Variants in ESR1 observed in about 807,000 individuals in gnomAD.
The protein encoded by ESR1 is estrogen receptor.
In ESR1, 12 loss-of-function variants were observed where a neutral mutation model predicts 52.7. That is an observed-to-expected ratio of 0.23 (90% confidence interval 0.15 to 0.37). The LOEUF is 0.37. Among genes scored for constraint, ESR1 ranks in the 10% least tolerant of loss-of-function variants. The pLI is 1.00. For synonymous variants in ESR1, 305 were observed against 316.8 expected (o/e 0.96, Z 0.39); for missense variants, 584 against 779.7 (o/e 0.75, Z 2.99).
At chr6:151,992,651 G>A (rs981882767) in intron 4 of ESR1, among the ~76,000 whole-genome samples, 2 of 152,130 alleles carry the variant, frequency 1.3e-5, no homozygotes, top group Admixed American at 6.6e-5. Context: ...AGGTTGGCAA[G>A]GTGGGTGGGG....
At chr6:152,087,871 C>T (rs1422670139) in intron 6 of ESR1, among the ~76,000 whole-genome samples, 1 of 152,150 alleles carries the variant, frequency 6.6e-6, no homozygotes, top group Non-Finnish European at 1.5e-5. Flanking sequence ...ATCAGGGCTC[C>T]ACCCTCAGCT....
chr6:151,686,084 T>TG (rs1778658656), upstream of ESR1, among the ~76,000 whole-genome samples: 1 of 148,712 alleles, frequency 6.7e-6, no homozygotes, highest in South Asian at 2.2e-4. Flanking sequence ...TTTTTTTTTT[T>TG]TTTTATTTAG....
chr6:151,888,781 T>C (rs1421804062), intron 3 of ESR1, among the ~76,000 whole-genome samples: 2 of 152,180 alleles, frequency 1.3e-5, no homozygotes, highest in African/African-American at 2.4e-5. Context: ...ATTTTCACCA[T>C]TGAGTATGAT....
intron 2 of ESR1, among the ~76,000 whole-genome samples, chr6:151,732,693 A>G (rs1260064084): frequency 2.6e-5 from 4 of 152,092 alleles, no homozygotes; most frequent in African/African-American, 9.7e-5. Context: ...CTATGATAAA[A>G]ACGCTTTTTG....
intron 2 of ESR1, among the ~76,000 whole-genome samples, chr6:151,743,620 A>G (rs1783261840): frequency 1.3e-5 from 2 of 152,184 alleles, no homozygotes; most frequent in Admixed American, 6.5e-5. Flanking sequence ...CTGATGTTAC[A>G]GAGATCACAG....
chr6:151,773,441 C>T (rs1785681708), intron 2 of ESR1, among the ~76,000 whole-genome samples: 2 of 152,242 alleles, frequency 1.3e-5, no homozygotes. Flanking sequence ...AATGATTACA[C>T]TTTCTCATCT....
intron 2 of ESR1, among the ~76,000 whole-genome samples, chr6:151,746,009 G>T (rs1243669460): frequency 1.3e-5 from 2 of 152,088 alleles, no homozygotes; most frequent in African/African-American, 2.4e-5. Flanking sequence ...AGGTCCTCAA[G>T]GTTCATCCAT....
rs1778589350 is a variant in ESR1, at chr6:151,684,747, CG to C, written n.74-17124del. Among the ~76,000 whole-genome samples, 3 of 152,348 alleles carry C rather than the reference CG, an allele frequency of 2.0e-5. No individual in the cohort carries two copies. The East Asian group carries it at 5.8e-4, about 29-fold the overall frequency. On this transcript the variant is annotated intron_variant and non_coding_transcript_variant, in intron 1 of 2. Coordinates refer to the ESR1 transcript ENST00000473497. Reference sequence around the variant, plus strand: ...AATTCTTTCTGGTTCTTCCTTCCTGCGGGGCCAGGTGAACAGGCAGGTGCTG... The same window carrying C: ...AATTCTTTCTGGTTCTTCCTTCCTGCGGGCCAGGTGAACAGGCAGGTGCTG...
At chr6:151,669,101 G>A (rs1010300195) in intron 1 of ESR1, among the ~76,000 whole-genome samples, 10 of 148,144 alleles carry the variant, frequency 6.8e-5, no homozygotes, top group Admixed American at 3.4e-4. Flanking sequence ...CCAGAGCCGT[G>A]CTTCGGGGCG....
intron 2 of ESR1, among the ~76,000 whole-genome samples, chr6:151,775,744 T>TC (rs1785926607): frequency 1.6e-5 from 2 of 121,482 alleles, no homozygotes; most frequent in Admixed American, 1.7e-4. Flanking sequence ...AGACTCCGTC[T>TC]CAAAAAAAAA....
At chr6:151,915,344 C>G (rs1417051907) in intron 3 of ESR1, among the ~76,000 whole-genome samples, 1 of 152,158 alleles carries the variant, frequency 6.6e-6, no homozygotes, top group East Asian at 1.9e-4. Context: ...GTGAAAAATA[C>G]TAATTATTTA....
chr6:151,912,970 G>C (rs922120454), intron 3 of ESR1, among the ~76,000 whole-genome samples: 1 of 152,056 alleles, frequency 6.6e-6, no homozygotes, highest in African/African-American at 2.4e-5. Flanking sequence ...CCTAATGCAT[G>C]TGGGGCTTAA....
At chr6:151,733,930 C>T (rs1782446376) in intron 2 of ESR1, among the ~76,000 whole-genome samples, 1 of 152,156 alleles carries the variant, frequency 6.6e-6, no homozygotes, top group Non-Finnish European at 1.5e-5. Context: ...CTATCTTACA[C>T]AATTATTTTC....
chr6:151,791,871 A>C (rs1333737072), intron 2 of ESR1, among the ~76,000 whole-genome samples: 2 of 152,266 alleles, frequency 1.3e-5, no homozygotes, highest in Non-Finnish European at 2.9e-5. Flanking sequence ...ACAAAGTTAG[A>C]CAACAAATTC....
chr6:151,739,907 T>A lies in ESR1; in HGVS notation c.-71+37902T>A, dbSNP rs545792445. Reference sequence around the variant, plus strand: ...TCTCTTCCCTTTCTTCCTCTCTCCATCCCTTTTTTCCATTATTCATCCAGC... The same window carrying A: ...TCTCTTCCCTTTCTTCCTCTCTCCAACCCTTTTTTCCATTATTCATCCAGC... On this transcript the variant is annotated intron_variant, in intron 2 of 2. Coordinates refer to the ESR1 transcript ENST00000404742. Among the ~76,000 whole-genome samples, 4 of 152,274 alleles carry A rather than the reference T, an allele frequency of 2.6e-5. No individual in the cohort carries two copies. In the South Asian group the frequency reaches 8.3e-4, roughly 32 times the overall value.
In ESR1 at chr6:152,061,270, TGCAGA is replaced by T. The variant is rs2047519436; in HGVS notation, c.1369+147_1369+151del. 1 of 798,518 alleles carries T rather than the reference TGCAGA, an allele frequency of 1.3e-6. No homozygotes were observed. The highest frequency in any genetic ancestry group is 2.1e-6 in the Non-Finnish European group (1 of 476,290). 49.5% of individuals were successfully genotyped at this position (798,518 alleles called of 1,614,324 possible). ...ACGTTTTAAAATAACCTACCAACAT[TGCAGA>T]TTCCTTATAAAGGTAGAACCATGCT... On this transcript the variant is annotated intron_variant, in intron 6 of 7. Transcript: ENST00000206249. The surrounding 1 kb of genome is among the most constrained non-coding windows in gnomAD (Gnocchi z 4.3).
At chr6:152,064,044 C>A (rs894402500) in intron 6 of ESR1, among the ~76,000 whole-genome samples, 4 of 152,172 alleles carry the variant, frequency 2.6e-5, no homozygotes, top group African/African-American at 4.8e-5. Flanking sequence ...GGGAGATATT[C>A]GTCATCATTT....
At chr6:152,028,988 T>A (rs1347206509) in intron 5 of ESR1, among the ~76,000 whole-genome samples, 2 of 152,278 alleles carry the variant, frequency 1.3e-5, no homozygotes, top group Middle Eastern at 3.4e-3. Flanking sequence ...TTCACCAATA[T>A]CCGCTGTTCT....
chr6:151,660,782 T>A (rs1382593792), intron 1 of ESR1, among the ~76,000 whole-genome samples: 10 of 152,224 alleles, frequency 6.6e-5, no homozygotes. Context: ...CACATATATG[T>A]GCACATACAC....
Sources: allele counts gnomAD v4.1 joint callset (sites outside exome capture counted in the v4.1 genomes callset), GRCh38; gene constraint gnomAD v4.1.1; non-coding constraint Gnocchi (gnomAD v3.1); transcripts MANE v1.5; gene names NCBI Gene and HGNC (gene_info 2026-07-23, HGNC 2026-07-21).